The following MTX1 variants were observed in gnomAD, a reference collection of about 807,000 sequenced individuals.
MTX1 encodes the protein metaxin-1.
In MTX1, 20 loss-of-function variants were observed where a neutral mutation model predicts 39.4. The ratio of observed to expected loss-of-function variants is 0.51; its 90% CI spans 0.36 to 0.74. The LOEUF is 0.74. MTX1 is among the 30% of genes least tolerant of loss of function. MTX1 has a pLI of 0.00. For missense variants in MTX1, 481 were observed against 485.9 expected (o/e 0.99, Z 0.10); for synonymous variants, 209 against 198.6 (o/e 1.05, Z -0.44).
Position 155,210,622 on chromosome 1 carries a change from A to G in MTX1, c.673A>G (p.Lys225Glu). 6 of 1,613,712 alleles carry G rather than the reference A, an allele frequency of 3.7e-6. No individual in the cohort carries two copies. Among genetic ancestry groups the G allele is most frequent in the Non-Finnish European group, 5.1e-6 (6 of 1,179,864 alleles). Reference sequence around the variant, plus strand: ...ACACAAGATCATCACCCACCTTCGAAAAGAGGTAGGTGACTTGGATAGAGG... The same window carrying G: ...ACACAAGATCATCACCCACCTTCGAGAAGAGGTAGGTGACTTGGATAGAGG... ...VPHKIITHLRKEKYNADYDLS... is the reference protein window; with the variant it reads ...VPHKIITHLREEKYNADYDLS... The change falls in exon 3 of 8, where the codon AAA becomes GAA. Residue 225 changes from lysine (K) to glutamate (E), a missense_variant. Physicochemically the swap from Lys to Glu is moderately conservative, Grantham distance 56. Around this residue, in one of 2 missense-constraint regions of MTX1, gnomAD observed 368 missense variants for 332.8 expected, o/e 1.11. Transcript: ENST00000368376.
chr1:155,211,791 G>A (rs550939292), intron 3 of MTX1: 2 of 198,030 alleles, frequency 1.0e-5, no homozygotes, highest in South Asian at 2.0e-4. Context: ...TCTGGGTCGG[G>A]GAAGTTACTG....
At position 155,209,308 on chromosome 1, in the gene MTX1, G is replaced by T; in HGVS notation, c.504G>T (p.Val168=). The change falls in exon 1 of 8, where the codon GTG becomes GTT. Residue 168 remains valine, a synonymous_variant. Coordinates refer to ENST00000368376, the MANE Select transcript of MTX1 (RefSeq NM_002455.5). ...CAGGGGGCTGGGGGCTGCCGTCAGT[G>T]GACCTGGACAGCCTGGCCGTGCTGG... ...CWSGGWGLPS[V]DLDSLAVLTY... is the part of the protein sequence containing the mutation. 1.4e-6 allele frequency: 2 copies of T among 1,434,178 alleles called. No individual in the cohort carries two copies. Among genetic ancestry groups the T allele is most frequent in the East Asian group, 2.5e-5 (1 of 39,508 alleles). The allele number at this position is 1,434,178 out of a possible 1,614,324, so 88.8% of individuals were successfully genotyped here.
intron 1 of MTX1, among the ~76,000 whole-genome samples, 196 bp from the exon 2 acceptor site, chr1:155,210,150 A>C (rs563068259): frequency 9.2e-4 from 140 of 152,362 alleles, no homozygotes; most frequent in Non-Finnish European, 1.6e-3. Context: ...AATCACAGAC[A>C]TGTCCGGAAT....
At chr1:155,209,458 AAG>A in intron 1 of MTX1, 126 bp downstream of exon 1, 1 of 1,115,860 alleles carries the variant, frequency 9.0e-7, no homozygotes, top group Non-Finnish European at 1.2e-6. Flanking sequence ...GAGGCAGTCA[AAG>A]AGCGTACGTG....
chr1:155,211,279 G>A (rs1322235028), intron 3 of MTX1: 1 of 152,612 alleles, frequency 6.6e-6, no homozygotes, highest in Non-Finnish European at 1.5e-5. Flanking sequence ...GGAAAGAGAG[G>A]ATCCAGATAA....
Position 155,210,785 on chromosome 1 carries a change from T to C in MTX1, c.678+158T>C, listed in dbSNP as rs1284341574. On this transcript the variant is annotated intron_variant, in intron 3 of 7. Coordinates refer to ENST00000368376, the MANE Select transcript of MTX1 (RefSeq NM_002455.5). Reference sequence around the variant, plus strand: ...GTGGCAGAGACACACACAATGTCACTGTGATGTATTAAAGCAGTCGGCAAG... The same window carrying C: ...GTGGCAGAGACACACACAATGTCACCGTGATGTATTAAAGCAGTCGGCAAG... The C allele has an allele frequency of 7.2e-6, 5 of 698,372 alleles. No individual in the cohort carries two copies. In the African/African-American group the frequency reaches 8.9e-5, roughly 12 times the overall value. 43.3% of individuals were successfully genotyped at this position (698,372 alleles called of 1,614,324 possible).
At chr1:155,210,956 A>G (rs928406766) in intron 3 of MTX1, 8 of 380,166 alleles carry the variant, frequency 2.1e-5, no homozygotes, top group Non-Finnish European at 4.0e-5. Context: ...GTTGGGCTAG[A>G]TATGGGGCTC....
Position 155,212,749 on chromosome 1 carries a change from A to G in MTX1, c.1010A>G (p.Gln337Arg). ...CTGCTCTCTCAGCGCCTGGGCTCTCAAAAGTTCTTCTTTGGAGATGCGTGA... is the reference window on the plus strand; with the variant it reads ...CTGCTCTCTCAGCGCCTGGGCTCTCGAAAGTTCTTCTTTGGAGATGCGTGA... ...LTLLSQRLGS[Q>R]KFFFGDAPAS... The change falls in exon 6 of 8, where the codon CAA becomes CGA. Residue 337 changes from glutamine to arginine, a missense_variant. Gln to Arg is a conservative substitution (Grantham distance 43). This residue lies in a region of MTX1 where 113 missense variants were observed against 153.2 expected (regional missense o/e 0.74). Coordinates refer to ENST00000368376, the MANE Select transcript of MTX1 (RefSeq NM_002455.5). 6.3e-7 allele frequency: 1 copy of G among 1,596,774 alleles called. No homozygotes were observed.
chr1:155,212,264 G>C, intron 4 of MTX1, 45 bp downstream of exon 4: 7 of 1,595,334 alleles, frequency 4.4e-6, no homozygotes, highest in Non-Finnish European at 6.0e-6. Flanking sequence ...AGCCGGGGAG[G>C]GTTCGGGAAC....
Position 155,209,134 on chromosome 1 carries a change from G to A in MTX1, c.330G>A (p.Pro110=). ...GGGCCAGAAGAAGCCTCGCCTCCCC[G>A]GGGATCTCCCCAGGCCCCCTGACCG... The part of the protein sequence containing the change: ...ASRARRSLAS[P]GISPGPLTAT... The change falls in exon 1 of 8, where the codon CCG becomes CCA. Residue 110 remains proline (P), a synonymous_variant. Coordinates refer to ENST00000368376, the MANE Select transcript of MTX1 (RefSeq NM_002455.5). 6.5e-7 allele frequency: 1 copy of A among 1,540,490 alleles called. No individual in the cohort carries two copies. The highest frequency in any genetic ancestry group is 8.8e-7 in the Non-Finnish European group (1 of 1,141,872).
At position 155,209,131 on chromosome 1, in the gene MTX1, C is replaced by T; in HGVS notation, c.327C>T (p.Ser109=). ...GTCGGGCCAGAAGAAGCCTCGCCTC[C>T]CCGGGGATCTCCCCAGGCCCCCTGA... is the stretch of plus-strand genomic sequence containing the variant. The part of the protein sequence containing the change: ...AASRARRSLA[S]PGISPGPLTA... Residue 109 remains serine (S), a synonymous_variant, in exon 1 of 8, where the codon TCC becomes TCT. Transcript: ENST00000368376. 1 of 1,541,146 alleles carries T rather than the reference C, an allele frequency of 6.5e-7. No homozygotes were observed. The highest frequency in any genetic ancestry group is 1.2e-5 in the South Asian group (1 of 83,274).
chr1:155,208,721 CCGGCCG>C lies in MTX1; in HGVS notation c.-82_-77del. 7.6e-7 allele frequency: 1 copy of C among 1,323,626 alleles called. No individual in the cohort carries two copies. Among genetic ancestry groups the C allele is most frequent in the Non-Finnish European group, 1.0e-6 (1 of 1,004,620 alleles). 82.0% of individuals were successfully genotyped at this position (1,323,626 alleles called of 1,614,324 possible). On this transcript the variant is annotated 5_prime_UTR_variant, in exon 1 of 8. Transcript: ENST00000368376. ...CCCAAGCCCCAGCCCGGCCTCCGCT[CCGGCCG>C]CCGCCACCGCCCCTGTTTTGTTTCC...
At position 155,209,166 on chromosome 1, in the gene MTX1, T is replaced by A. The variant is rs1306395574; in HGVS notation, c.362T>A (p.Ile121Asn). The A allele has an allele frequency of 1.3e-6, 2 of 1,496,224 alleles. No individual in the cohort carries two copies. Among genetic ancestry groups the A allele is most frequent in the African/African-American group, 2.8e-5 (2 of 70,386 alleles). The allele number at this position is 1,496,224 out of a possible 1,614,324, so 92.7% of individuals were successfully genotyped here. A position where few individuals can be genotyped will look rare whatever the true frequency, so the allele number is the denominator to read the frequency against. ...GISPGPLTAT[I>N]GGAVAGGGPR... Reference sequence around the variant, plus strand: ...TCCCCAGGCCCCCTGACCGCAACGATCGGAGGGGCGGTGGCGGGGGGCGGG... The same window carrying A: ...TCCCCAGGCCCCCTGACCGCAACGAACGGAGGGGCGGTGGCGGGGGGCGGG... The change falls in exon 1 of 8, where the codon ATC (isoleucine) becomes AAC (asparagine). Residue 121 changes from isoleucine (I) to asparagine (N), a missense_variant. By Grantham distance (149) the Ile-to-Asn change is moderately radical. This residue lies in a region of MTX1 where 368 missense variants were observed against 332.8 expected (regional missense o/e 1.11). Transcript: ENST00000368376.
chr1:155,210,479 G>C lies in MTX1; in HGVS notation c.598+64G>C, dbSNP rs773339796. The C allele has an allele frequency of 2.4e-4, 381 of 1,606,068 alleles. 6 individuals carry two copies. The Admixed American group carries it at 6.3e-3, about 27-fold the overall frequency. On this transcript the variant is annotated intron_variant, in intron 2 of 7. Transcript: ENST00000368376. ...AAGGGGAGAAGCAAGAAATAGGCAG[G>C]AATGTGTTGCAACTATGTATGACTA...
intron 2 of MTX1, 53 bp downstream of exon 2, chr1:155,210,468 G>A (rs772010701): frequency 4.4e-6 from 7 of 1,607,806 alleles, no homozygotes; most frequent in African/African-American, 1.3e-5. Flanking sequence ...GGAGAAGCAA[G>A]AAATAGGCAG....
Position 155,212,729 on chromosome 1 carries a change from C to T in MTX1, c.990C>T (p.Leu330=). 1 of 1,600,214 alleles carries T rather than the reference C, an allele frequency of 6.2e-7. No individual in the cohort carries two copies. Residue 330 remains leucine (L), a synonymous_variant, in exon 6 of 8, where the codon CTC becomes CTT. Transcript: ENST00000368376. ...AGGCTCGGGAGTGTCTGACCCTGCT[C>T]TCTCAGCGCCTGGGCTCTCAAAAGT... The part of the protein sequence containing the change: ...YREARECLTL[L]SQRLGSQKFF...
In MTX1 at chr1:155,210,381, A is replaced by G; in HGVS notation, c.564A>G (p.Val188=). ...GATTTACTGGTGCTCCACTGAAGGTACACAAGATCAGCAACCCCTGGCAGA... is the reference window on the plus strand; with the variant it reads ...GATTTACTGGTGCTCCACTGAAGGTGCACAAGATCAGCAACCCCTGGCAGA... ...YARFTGAPLK[V]HKISNPWQSP... The change falls in exon 2 of 8, where the codon GTA becomes GTG. Residue 188 remains valine, a synonymous_variant. Transcript: ENST00000368376. 6.2e-7 allele frequency: 1 copy of G among 1,614,212 alleles called. No individual in the cohort carries two copies. Among genetic ancestry groups the G allele is most frequent in the Non-Finnish European group, 8.5e-7 (1 of 1,180,014 alleles).
chr1:155,210,518 C>A (rs151320727), intron 2 of MTX1, 30 bp from the exon 3 acceptor site: 92 of 1,611,756 alleles, frequency 5.7e-5, no homozygotes, highest in Non-Finnish European at 7.5e-5. Flanking sequence ...AGCTAAGGGT[C>A]TGGTTGGTAT....
At position 155,209,196 on chromosome 1, in the gene MTX1, G is replaced by C. The variant is rs1364590419; in HGVS notation, c.392G>C (p.Arg131Thr). 1 of 1,466,364 alleles carries C rather than the reference G, an allele frequency of 6.8e-7. No homozygotes were observed. Among genetic ancestry groups the C allele is most frequent in the East Asian group, 2.5e-5 (1 of 39,764 alleles). 90.8% of individuals were successfully genotyped at this position (1,466,364 alleles called of 1,614,324 possible). ...GGGGCGGTGGCGGGGGGCGGGCCCA[G>C]GCAGGGGAGGGCAGAAGCACACAAG... ...IGGAVAGGGP[R>T]QGRAEAHKEV... is the part of the protein sequence containing the mutation. The change falls in exon 1 of 8, where the codon AGG (arginine) becomes ACG (threonine). Residue 131 changes from arginine (R) to threonine (T), a missense_variant. Arg to Thr is a moderately conservative substitution (Grantham distance 71). This residue lies in a region of MTX1 where 368 missense variants were observed against 332.8 expected (regional missense o/e 1.11). Transcript: ENST00000368376.
Sources: gnomAD v4.1 joint callset for allele counts (sites outside exome capture counted in the v4.1 genomes callset) on GRCh38, gnomAD v4.1.1 for gene constraint, gnomAD v4.1.1 regional missense constraint, MANE v1.5 for transcripts, NCBI Gene and HGNC (gene_info 2026-07-23, HGNC 2026-07-21) for gene names.